The following TIMP2 variants were observed in gnomAD, a reference collection of about 807,000 sequenced individuals.
The protein encoded by TIMP2 is TIMP metallopeptidase inhibitor 2, also known as metalloproteinase inhibitor 2.
Under a neutral mutation model 24.3 loss-of-function variants are expected in TIMP2, and 5 were observed. The ratio of observed to expected loss-of-function variants is 0.21; its 90% CI spans 0.11 to 0.43. The LOEUF (loss-of-function observed/expected upper bound fraction) is 0.43, where lower values mean the gene tolerates loss of function less well. TIMP2 is among the 20% of genes least tolerant of loss of function. TIMP2 has a pLI of 1.00. For synonymous variants in TIMP2, 130 were observed against 123.2 expected (o/e 1.06, Z -0.37); for missense variants, 221 against 297.5 (o/e 0.74, Z 1.89).
chr17:78,877,405 C>T (rs2069736957), intron 1 of TIMP2, among the ~76,000 whole-genome samples: 1 of 152,080 alleles, frequency 6.6e-6, no homozygotes, highest in Admixed American at 6.6e-5. Context: ...ATGGTGAAAC[C>T]CCATCTCTAC....
At chr17:78,912,889 G>A (rs1003937287) in intron 1 of TIMP2, among the ~76,000 whole-genome samples, 14 of 152,314 alleles carry the variant, frequency 9.2e-5, no homozygotes, top group African/African-American at 2.6e-4. Context: ...ACCAGTGGGC[G>A]TGGCTGTGTT....
Position 78,896,377 on chromosome 17 carries a change from T to C in TIMP2, c.131-22458A>G, listed in dbSNP as rs1407611610. Among the ~76,000 whole-genome samples, 2 of 152,172 alleles carry C rather than the reference T, an allele frequency of 1.3e-5. No individual in the cohort carries two copies. The highest frequency in any genetic ancestry group is 2.9e-5 in the Non-Finnish European group (2 of 68,022). On this transcript the variant is annotated intron_variant, in intron 1 of 4. Coordinates refer to ENST00000262768, the MANE Select transcript of TIMP2 (RefSeq NM_003255.5). The surrounding 1 kb of genome is among the most constrained non-coding windows in gnomAD (Gnocchi z 4.4). ...CCAGGCTGATCTCCAGGCAGCCCAGTGTCTCTCCAGCCCTGCCAGACAGGA... is the reference window on the plus strand; with the variant it reads ...CCAGGCTGATCTCCAGGCAGCCCAGCGTCTCTCCAGCCCTGCCAGACAGGA...
intron 1 of TIMP2, chr17:78,899,608 C>T (rs1316783317): frequency 6.6e-6 from 1 of 152,218 alleles, no homozygotes; most frequent in African/African-American, 2.4e-5. Context: ...GCAGCTCGCC[C>T]TGGCTCCCCT....
chr17:78,891,621 G>A lies in TIMP2; in HGVS notation c.131-17702C>T, dbSNP rs762493757. On this transcript the variant is annotated intron_variant, in intron 1 of 4. Coordinates refer to ENST00000262768, the MANE Select transcript of TIMP2 (RefSeq NM_003255.5). This position sits in a 1 kb window ranked among gnomAD's most constrained non-coding sequence, Gnocchi z 4.5. ...CCCTCCAGACTCTGTCCCTGAGAGC[G>A]ACTGGTCAGGGCTGGAACAAAGCAA... 52 of 1,550,778 alleles carry A rather than the reference G, an allele frequency of 3.4e-5. No homozygotes were observed. The highest frequency in any genetic ancestry group is 3.3e-4 in the Middle Eastern group (2 of 6,014).
intron 1 of TIMP2, among the ~76,000 whole-genome samples, chr17:78,922,662 A>G (rs1568010633): frequency 6.6e-6 from 1 of 152,206 alleles, no homozygotes; most frequent in Non-Finnish European, 1.5e-5. Context: ...TACTAAAAAT[A>G]CAAAAAATTA....
intron 1 of TIMP2, among the ~76,000 whole-genome samples, chr17:78,911,715 G>C (rs947695255): frequency 6.6e-6 from 1 of 151,992 alleles, no homozygotes; most frequent in Non-Finnish European, 1.5e-5. Context: ...ACAGGCATGA[G>C]CCACCCCACC....
chr17:78,923,391 C>T (rs947146526), intron 1 of TIMP2, among the ~76,000 whole-genome samples: 1 of 928 alleles, frequency 1.1e-3, no homozygotes, highest in Non-Finnish European at 2.7e-3. Context: ...GTGTGTGGGG[C>T]GGGGTGGGGG....
chr17:78,891,293 C>A lies in TIMP2; in HGVS notation c.131-17374G>T, dbSNP rs1365653808. ...CTCCTCTGCTGGGCTCCTGGGTTCC[C>A]CGGCAGGCAGCATCTCTGGGTCTGC... On this transcript the variant is annotated intron_variant, in intron 1 of 4. Coordinates refer to ENST00000262768, the MANE Select transcript of TIMP2 (RefSeq NM_003255.5). This position sits in a 1 kb window ranked among gnomAD's most constrained non-coding sequence, Gnocchi z 4.5. 2.6e-6 allele frequency: 4 copies of A among 1,550,572 alleles called. No individual in the cohort carries two copies. The highest frequency in any genetic ancestry group is 2.4e-5 in the East Asian group (1 of 40,916).
At chr17:78,892,073 C>G in intron 1 of TIMP2, 1 of 1,551,820 alleles carries the variant, frequency 6.4e-7, no homozygotes, top group Non-Finnish European at 8.7e-7. Flanking sequence ...TTCCCTGGCC[C>G]GTCCTCCTCC....
chr17:78,923,243 C>T (rs1015488234), intron 1 of TIMP2, among the ~76,000 whole-genome samples: 2 of 152,042 alleles, frequency 1.3e-5, no homozygotes, highest in Non-Finnish European at 2.9e-5. Flanking sequence ...GGGAGGCACG[C>T]ACTGCAGCCC....
chr17:78,876,088 T>A (rs929423110), intron 1 of TIMP2, among the ~76,000 whole-genome samples: 11 of 152,162 alleles, frequency 7.2e-5, no homozygotes, highest in Admixed American at 1.3e-4. Flanking sequence ...GGCCCCCTAT[T>A]TCCAGTGCCC....
intron 1 of TIMP2, among the ~76,000 whole-genome samples, chr17:78,923,511 G>A (rs904302679): frequency 1.1e-4 from 16 of 151,974 alleles, no homozygotes; most frequent in Admixed American, 9.8e-4. Flanking sequence ...GCCCCAGCAC[G>A]TGCTGGTGAG....
Position 78,924,966 on chromosome 17 carries a change from T to C in TIMP2, c.123A>G (p.Ala41=). ...PVHPQQAFCN[A]DVVIRAKAVS... ...GGGGTCGCCGCTCCTTACCTACATC[T>C]GCATTGCAAAACGCCTGTTGCGGGT... Residue 41 remains alanine (A), a synonymous_variant, in exon 1 of 5, where the codon GCA becomes GCG. Coordinates refer to ENST00000262768, the MANE Select transcript of TIMP2 (RefSeq NM_003255.5). The surrounding 1 kb of genome is among the most constrained non-coding windows in gnomAD (Gnocchi z 5.3). 7.7e-7 allele frequency: 1 copy of C among 1,293,616 alleles called. No homozygotes were observed. Among genetic ancestry groups the C allele is most frequent in the Non-Finnish European group, 9.9e-7 (1 of 1,010,702 alleles). 80.1% of individuals were successfully genotyped at this position (1,293,616 alleles called of 1,614,324 possible).
chr17:78,892,556 C>T, intron 1 of TIMP2: 1 of 1,458,688 alleles, frequency 6.9e-7, no homozygotes, highest in Non-Finnish European at 9.1e-7. Context: ...ACTGTGAGGA[C>T]AGGCTGCAAA....
At position 78,924,908 on chromosome 17, in the gene TIMP2, G is replaced by A. The variant is rs1291714314; in HGVS notation, c.130+51C>T. The A allele has an allele frequency of 5.3e-6, 6 of 1,132,078 alleles. No homozygotes were observed. The highest frequency in any genetic ancestry group is 3.9e-5 in the East Asian group (1 of 25,750). 70.1% of individuals were successfully genotyped at this position (1,132,078 alleles called of 1,614,324 possible). A position where few individuals can be genotyped will look rare whatever the true frequency, so the allele number is the denominator to read the frequency against. ...GGCGGGGCGTCTGCGAACCCTCGGG[G>A]TCGCGGGGGAGGTGGGGCCCCGCGC... On this transcript the variant is annotated intron_variant, in intron 1 of 4. Coordinates refer to ENST00000262768, the MANE Select transcript of TIMP2 (RefSeq NM_003255.5). The surrounding 1 kb of genome is among the most constrained non-coding windows in gnomAD (Gnocchi z 5.3).
chr17:78,891,175 A>C lies in TIMP2; in HGVS notation c.131-17256T>G, dbSNP rs996589720. On this transcript the variant is annotated intron_variant, in intron 1 of 4. Transcript: ENST00000262768. This position sits in a 1 kb window ranked among gnomAD's most constrained non-coding sequence, Gnocchi z 4.5. ...GAGACAATGTTTGACTTCCATTTCTAAACGTGGGCTTGACCGTGCCCTGAT... is the reference window on the plus strand; with the variant it reads ...GAGACAATGTTTGACTTCCATTTCTCAACGTGGGCTTGACCGTGCCCTGAT... 50 of 1,550,532 alleles carry C rather than the reference A, an allele frequency of 3.2e-5. No individual in the cohort carries two copies. Among genetic ancestry groups the C allele is most frequent in the Non-Finnish European group, 4.2e-5 (48 of 1,147,024 alleles).
At chr17:78,868,466 G>A (rs2069638254) in intron 3 of TIMP2, among the ~76,000 whole-genome samples, 1 of 152,038 alleles carries the variant, frequency 6.6e-6, no homozygotes, top group Non-Finnish European at 1.5e-5. Context: ...GGCAAGGCTG[G>A]TCTTGAACTC....
At chr17:78,893,384 C>A (rs2069943991) in intron 1 of TIMP2, among the ~76,000 whole-genome samples, 2 of 69,542 alleles carry the variant, frequency 2.9e-5, no homozygotes, top group East Asian at 4.9e-4. Context: ...AGTGTGTGTG[C>A]AGGGGTGTGT....
chr17:78,875,527 G>A (rs1254321256), intron 1 of TIMP2, among the ~76,000 whole-genome samples: 1 of 152,106 alleles, frequency 6.6e-6, no homozygotes, highest in Non-Finnish European at 1.5e-5. Flanking sequence ...GGCAGGGTTG[G>A]GTAGAGCCCT....
Sources: gnomAD v4.1 joint callset for allele counts (sites outside exome capture counted in the v4.1 genomes callset) on GRCh38, gnomAD v4.1.1 for gene constraint, Gnocchi (gnomAD v3.1) non-coding constraint, MANE v1.5 for transcripts, NCBI Gene and HGNC (gene_info 2026-07-23, HGNC 2026-07-21) for gene names.